Variants in PRKCH observed in about 807,000 individuals in gnomAD.
PRKCH encodes protein kinase C eta.
A neutral mutation model predicts 82.5 loss-of-function variants in PRKCH; 28 were observed. The observed-to-expected ratio is 0.34, with a 90% CI of 0.25 to 0.47. PRKCH has a LOEUF of 0.47. PRKCH is among the 20% of genes least tolerant of loss of function. The pLI, the probability that PRKCH is intolerant of heterozygous loss-of-function variation, is 1.00. For synonymous variants in PRKCH, 322 were observed against 327.4 expected, an observed-to-expected ratio of 0.98 and a Z score of 0.18; for missense variants, 705 against 881.8, an observed-to-expected ratio of 0.80 and a Z score of 2.54.
chr14:61,241,622 T>C (rs1205279628), intron 1 of PRKCH, among the ~76,000 whole-genome samples: 1 of 152,154 alleles, frequency 6.6e-6, no homozygotes, highest in Non-Finnish European at 1.5e-5. Flanking sequence ...TGTAGCACAA[T>C]GGGTTTTCAA....
intron 10 of PRKCH, among the ~76,000 whole-genome samples, chr14:61,495,375 A>G (rs1886622994): frequency 6.6e-6 from 1 of 152,344 alleles, no homozygotes; most frequent in African/African-American, 2.4e-5. Context: ...TCACCAGCTA[A>G]TGAAACCAGG....
chr14:61,388,147 CA>C (rs569642184), intron 1 of PRKCH, among the ~76,000 whole-genome samples: 22,477 of 88,082 alleles, frequency 0.26, 1,322 homozygotes, highest in Non-Finnish European at 0.29. Context: ...GACTCTGTCT[CA>C]AAAAAAAAAA....
chr14:61,449,900 C>CTCTCTCTG (rs1351833573), intron 5 of PRKCH, among the ~76,000 whole-genome samples: 1 of 36,894 alleles, frequency 2.7e-5, no homozygotes, highest in African/African-American at 4.4e-5. Context: ...CTCTCTCTCT[C>CTCTCTCTG]TGTGTGTGTG....
In PRKCH at chr14:61,203,278, C is replaced by A. The variant is rs545653536; in HGVS notation, c.-19+15610C>A. On this transcript the variant is annotated intron_variant, in intron 1 of 3. Coordinates refer to the PRKCH transcript ENST00000555185. ...GTCCCTGTCTTCCAAGGAAGAGAAA[C>A]CCTAAACCAGAAGCTAAAGAGTGAA... Among the ~76,000 whole-genome samples the A allele has an allele frequency of 3.7e-4, 56 of 152,152 alleles. No individual in the cohort carries two copies. In the South Asian group the frequency reaches 0.011, roughly 30 times the overall value.
At chr14:61,290,159 G>T (rs1397546003) in intron 1 of PRKCH, among the ~76,000 whole-genome samples, 1 of 152,100 alleles carries the variant, frequency 6.6e-6, no homozygotes, top group Non-Finnish European at 1.5e-5. Context: ...GGGCGTGGTT[G>T]CGGGCACATG....
Position 61,429,899 on chromosome 14 carries a change from G to A in PRKCH, c.428-13212G>A, listed in dbSNP as rs150469026. On this transcript the variant is annotated intron_variant, in intron 2 of 13. Transcript: ENST00000332981. ...AATACTATATAGATGGGATTTTGTA[G>A]GTTTTAGTCTCTCTACCCCGCTGTC... Among the ~76,000 whole-genome samples, 262 of 152,228 alleles carry A rather than the reference G, an allele frequency of 1.7e-3. 2 individuals are homozygous for A. The highest frequency in any genetic ancestry group is 6.8e-3 in the Middle Eastern group (2 of 294).
chr14:61,549,674 T>G lies in PRKCH; in HGVS notation c.1906-11T>G, dbSNP rs1243714141. ...AAAATCTCACCCTTGTTTCCCTTTT[T>G]TTTTTGGCAGAAATCCCGAGAAGAT... is the stretch of plus-strand genomic sequence containing the variant. On this transcript the variant is annotated splice_polypyrimidine_tract_variant and intron_variant, in intron 13 of 13. Transcript: ENST00000332981. 1 of 1,609,570 alleles carries G rather than the reference T, an allele frequency of 6.2e-7. No individual in the cohort carries two copies. The highest frequency in any genetic ancestry group is 1.7e-5 in the Admixed American group (1 of 59,434).
intron 1 of PRKCH, among the ~76,000 whole-genome samples, chr14:61,237,045 T>C (rs2044795746): frequency 6.6e-6 from 1 of 152,104 alleles, no homozygotes; most frequent in Admixed American, 6.5e-5. Context: ...CCTGAATTCT[T>C]TCTTGTGTGA....
intron 1 of PRKCH, among the ~76,000 whole-genome samples, chr14:61,282,296 G>A (rs533414885): frequency 6.7e-6 from 1 of 148,434 alleles, no homozygotes; most frequent in South Asian, 2.1e-4. Context: ...TTTAAATCTA[G>A]GTTGGTAAAA....
intron 1 of PRKCH, among the ~76,000 whole-genome samples, chr14:61,328,679 TC>T (rs2045737616): frequency 6.6e-6 from 1 of 152,008 alleles, no homozygotes; most frequent in African/African-American, 2.4e-5. Flanking sequence ...TTTTTGGTAG[TC>T]CTTTTTTATT....
chr14:61,485,415 A>G (rs2251382), intron 9 of PRKCH, 87 bp from the exon 10 acceptor site: 1,390,021 of 1,477,852 alleles, frequency 0.94, 658,451 homozygotes, highest in Admixed American at 0.96. Context: ...TGTCCTCTCT[A>G]TGCCACAGCC....
At chr14:61,485,941 A>G (rs991071301) in intron 10 of PRKCH, among the ~76,000 whole-genome samples, 2 of 151,952 alleles carry the variant, frequency 1.3e-5, no homozygotes, top group Non-Finnish European at 2.9e-5. Flanking sequence ...TTTATTTTTT[A>G]TTTTTTGTAG....
intron 1 of PRKCH, among the ~76,000 whole-genome samples, chr14:61,338,715 T>G (rs1255479595): frequency 6.6e-6 from 1 of 152,178 alleles, no homozygotes; most frequent in Non-Finnish European, 1.5e-5. Context: ...CCATTTAAAC[T>G]CATTTTCCTT....
chr14:61,491,928 G>T (rs1886465327), intron 10 of PRKCH, among the ~76,000 whole-genome samples: 1 of 152,216 alleles, frequency 6.6e-6, no homozygotes, highest in South Asian at 2.1e-4. Flanking sequence ...ATGAAGAGGA[G>T]AAATACAATG....
chr14:61,429,161 C>T (rs969730763), intron 2 of PRKCH, among the ~76,000 whole-genome samples: 1 of 152,158 alleles, frequency 6.6e-6, no homozygotes, highest in Non-Finnish European at 1.5e-5. Context: ...GGTTTCATTC[C>T]TTGCAAATCA....
chr14:61,514,779 C>T (rs546408805), intron 10 of PRKCH, among the ~76,000 whole-genome samples: 30 of 152,198 alleles, frequency 2.0e-4, no homozygotes, highest in Middle Eastern at 3.4e-3. Context: ...GATATAGAAA[C>T]GAAGGCAATG....
At chr14:61,237,252 A>T (rs1343741104) in intron 1 of PRKCH, among the ~76,000 whole-genome samples, 1 of 152,022 alleles carries the variant, frequency 6.6e-6, no homozygotes, top group Non-Finnish European at 1.5e-5. Flanking sequence ...CAAAAAAAAA[A>T]AAAAAAAGAT....
intron 1 of PRKCH, among the ~76,000 whole-genome samples, chr14:61,235,287 T>C (rs2044778497): frequency 6.6e-6 from 1 of 152,220 alleles, no homozygotes; most frequent in South Asian, 2.1e-4. Flanking sequence ...GTTCAATTCT[T>C]TCCATCACCG....
At chr14:61,246,997 G>A (rs1212813362) in intron 1 of PRKCH, among the ~76,000 whole-genome samples, 1 of 152,150 alleles carries the variant, frequency 6.6e-6, no homozygotes, top group Non-Finnish European at 1.5e-5. Flanking sequence ...CAGGGTAACA[G>A]CTCCAGGCTT....
Sources: gnomAD v4.1 joint callset for allele counts (sites outside exome capture counted in the v4.1 genomes callset) on GRCh38, gnomAD v4.1.1 for gene constraint, MANE v1.5 for transcripts, NCBI Gene and HGNC (gene_info 2026-07-23, HGNC 2026-07-21) for gene names.